ESRRG: variants seen among roughly 807,000 people sequenced by gnomAD.
The protein encoded by ESRRG is estrogen related receptor gamma, also known as estrogen-related receptor gamma.
A neutral mutation model predicts 44.0 loss-of-function variants in ESRRG; 13 were observed. That is an observed-to-expected ratio of 0.30 (90% CI 0.19 to 0.47). The LOEUF is 0.47. Ranked by LOEUF, ESRRG falls within the 20% of genes least tolerant of loss-of-function variation. The pLI is 1.00. For synonymous variants in ESRRG, 215 were observed against 214.6 expected, an observed-to-expected ratio of 1.00 and a Z score of -0.02; for missense variants, 395 against 580.6, an observed-to-expected ratio of 0.68 and a Z score of 3.29.
chr1:216,974,874 C>CT (rs572877864), intron 1 of ESRRG, among the ~76,000 whole-genome samples: 110 of 146,222 alleles, frequency 7.5e-4, no homozygotes, highest in South Asian at 5.4e-3. Flanking sequence ...TCCTTTTGTG[C>CT]TTTTTTTTTT....
intron 2 of ESRRG, among the ~76,000 whole-genome samples, chr1:216,654,726 GA>G (rs1213555645): frequency 5.3e-5 from 8 of 151,596 alleles, no homozygotes; most frequent in Non-Finnish European, 1.5e-5. Context: ...GAAAGATTAT[GA>G]AAAAAATACA....
intron 1 of ESRRG, among the ~76,000 whole-genome samples, chr1:216,711,807 G>A (rs1343133888): frequency 1.3e-5 from 2 of 152,102 alleles, no homozygotes; most frequent in African/African-American, 4.8e-5. Context: ...CAGCCCATCA[G>A]AAAAATAATT....
chr1:216,989,698 C>G (rs888225508), intron 1 of ESRRG, among the ~76,000 whole-genome samples: 1 of 152,090 alleles, frequency 6.6e-6, no homozygotes, highest in Non-Finnish European at 1.5e-5. Context: ...TTACACTTTC[C>G]TTCATATTCA....
chr1:217,131,249 G>A (rs559494897), intron 1 of ESRRG, among the ~76,000 whole-genome samples: 1 of 151,782 alleles, frequency 6.6e-6, no homozygotes, highest in Non-Finnish European at 1.5e-5. Context: ...ACATAAAAAG[G>A]CATGTTTATC....
At chr1:216,524,093 C>A (rs1433939629) in intron 5 of ESRRG, among the ~76,000 whole-genome samples, 3 of 151,806 alleles carry the variant, frequency 2.0e-5, no homozygotes, top group East Asian at 1.9e-4. Flanking sequence ...AGATGCATAA[C>A]CCTTGCTAGA....
chr1:216,529,542 A>G (rs2048668271), intron 5 of ESRRG, among the ~76,000 whole-genome samples: 1 of 152,196 alleles, frequency 6.6e-6, no homozygotes, highest in South Asian at 2.1e-4. Context: ...AGAGATAGGC[A>G]TGCCTCTAAA....
intron 1 of ESRRG, among the ~76,000 whole-genome samples, chr1:217,046,796 T>C (rs1040191188): frequency 1.3e-5 from 2 of 151,882 alleles, no homozygotes; most frequent in South Asian, 2.1e-4. Context: ...GGCGGGAGAA[T>C]TGCTTATGCC....
chr1:216,630,236 G>A (rs1198444109), intron 3 of ESRRG, among the ~76,000 whole-genome samples: 1 of 152,026 alleles, frequency 6.6e-6, no homozygotes, highest in Non-Finnish European at 1.5e-5. Flanking sequence ...TTCTCATTTT[G>A]TTTCATTCAT....
chr1:216,883,386 G>GAAAAAA (rs11318094), intron 2 of ESRRG, among the ~76,000 whole-genome samples: 1 of 75,842 alleles, frequency 1.3e-5, no homozygotes, highest in African/African-American at 4.3e-5. Context: ...ACTTCTCTGA[G>GAAAAAA]AAAAAAAAAA....
chr1:216,947,033 C>T (rs911304801), intron 1 of ESRRG, among the ~76,000 whole-genome samples: 1 of 152,132 alleles, frequency 6.6e-6, no homozygotes, highest in Non-Finnish European at 1.5e-5. Flanking sequence ...GTGACACCAA[C>T]ATCCAACTTC....
At chr1:216,990,504 G>A (rs943597020) in intron 1 of ESRRG, among the ~76,000 whole-genome samples, 36 of 151,842 alleles carry the variant, frequency 2.4e-4, no homozygotes, top group Non-Finnish European at 4.7e-4. Context: ...TGAACAACAT[G>A]GGCTTAAACT....
chr1:216,795,587 C>T (rs147425454), intron 2 of ESRRG, among the ~76,000 whole-genome samples: 25 of 151,786 alleles, frequency 1.6e-4, no homozygotes, highest in Non-Finnish European at 2.8e-4. Context: ...GTGATCCACC[C>T]GCCTCGGCCT....
chr1:216,744,446 G>A (rs901396194), intron 2 of ESRRG, among the ~76,000 whole-genome samples: 2 of 150,632 alleles, frequency 1.3e-5, no homozygotes, highest in African/African-American at 4.9e-5. Flanking sequence ...TCCCATCTGA[G>A]TCTAGTACCA....
rs12406424 is a variant in ESRRG at position 216,991,151 on chromosome 1, G to A, written c.-105-51478C>T. Among the ~76,000 whole-genome samples the A allele has an allele frequency of 9.8e-3, 1,490 of 152,026 alleles. 60 individuals are homozygous for A. The highest frequency in any genetic ancestry group is 0.086 in the East Asian group (442 of 5,156). ...TGCTCCTTATGAGAATTGAAGTAAT[G>A]CCTGATGATCTGAGGTAAAACAGTT... On this transcript the variant is annotated intron_variant, in intron 1 of 7. Coordinates refer to the ESRRG transcript ENST00000359162.
At chr1:216,697,893 A>G (rs1172754740) in intron 1 of ESRRG, among the ~76,000 whole-genome samples, 1 of 152,178 alleles carries the variant, frequency 6.6e-6, no homozygotes, top group African/African-American at 2.4e-5. Context: ...AATGACTACT[A>G]TGAATAAAGG....
At chr1:216,770,040 G>A (rs887502388) in intron 2 of ESRRG, among the ~76,000 whole-genome samples, 6 of 152,038 alleles carry the variant, frequency 3.9e-5, no homozygotes, top group African/African-American at 1.2e-4. Context: ...TTAGGGTAGG[G>A]CAAAAAGAGC....
intron 3 of ESRRG, among the ~76,000 whole-genome samples, chr1:216,642,069 A>C (rs146451131): frequency 5.9e-5 from 9 of 152,324 alleles, no homozygotes; most frequent in African/African-American, 2.2e-4. Context: ...CCAAATACAT[A>C]CATGAATATT....
chr1:216,778,525 C>A (rs528683550), intron 2 of ESRRG, among the ~76,000 whole-genome samples: 419 of 152,036 alleles, frequency 2.8e-3, no homozygotes, highest in African/African-American at 9.6e-3. Flanking sequence ...ATCCCTGGGT[C>A]ACTTGGCAGT....
intron 5 of ESRRG, among the ~76,000 whole-genome samples, chr1:216,557,864 C>A (rs1478572448): frequency 6.6e-6 from 1 of 152,064 alleles, no homozygotes; most frequent in African/African-American, 2.4e-5. Context: ...ACAGGAGACA[C>A]TCAAATACTT....
Sources: gnomAD v4.1 joint callset for allele counts (sites outside exome capture counted in the v4.1 genomes callset) on GRCh38, gnomAD v4.1.1 for gene constraint, MANE v1.5 for transcripts, NCBI Gene and HGNC (gene_info 2026-07-23, HGNC 2026-07-21) for gene names.